RYR2: variants seen among roughly 807,000 people sequenced by gnomAD.
RYR2 encodes ryanodine receptor 2.
RYR2 carries 227 observed loss-of-function variants against 601.1 expected under a neutral mutation model. The ratio of observed to expected loss-of-function variants is 0.38; its 90% CI spans 0.34 to 0.42. The LOEUF (loss-of-function observed/expected upper bound fraction) is 0.42, where lower values mean the gene tolerates loss of function less well. Ranked by LOEUF, RYR2 falls within the 10% of genes least tolerant of loss-of-function variation. RYR2 has a pLI of 1.00. For synonymous variants in RYR2, 2,223 were observed against 2,175.1 expected (o/e 1.02, Z -0.61); for missense variants, 4,646 against 6,156.5 (o/e 0.75, Z 8.21).
chr1:237,643,542 A>G, intron 48 of RYR2, 95 bp downstream of exon 48: 1 of 1,412,094 alleles, frequency 7.1e-7, no homozygotes. Flanking sequence ...CAACCTCTCC[A>G]CTTCCTAAAT....
intron 63 of RYR2, among the ~76,000 whole-genome samples, chr1:237,689,872 A>G (rs1030659406): frequency 7.0e-6 from 1 of 142,938 alleles, no homozygotes; most frequent in African/African-American, 2.6e-5. Flanking sequence ...AAAGAGTTTC[A>G]CTCTTGTTGC....
Position 237,654,400 on chromosome 1 carries a change from G to T in RYR2, c.7951G>T (p.Ala2651Ser). 6.2e-7 allele frequency: 1 copy of T among 1,613,802 alleles called. No homozygotes were observed. Among genetic ancestry groups the T allele is most frequent in the Non-Finnish European group, 8.5e-7 (1 of 1,179,814 alleles). ...SRKLFWGIFD[A>S]LSQKKYEQEL... ...AAAGTTGTTCTGGGGCATTTTTGAT[G>T]CCCTGTCTCAAAAGGTAATTTAATG... The change falls in exon 52 of 105, where the codon GCC (alanine) becomes TCC (serine). Residue 2651 changes from alanine to serine, a missense_variant. Coordinates refer to ENST00000366574, the MANE Select transcript of RYR2 (RefSeq NM_001035.3).
At chr1:237,254,452 C>T (rs1003605546) in intron 1 of RYR2, among the ~76,000 whole-genome samples, 10 of 152,202 alleles carry the variant, frequency 6.6e-5, no homozygotes, top group African/African-American at 2.4e-4. Context: ...CAGTATCTCT[C>T]TTTAAAATGT....
chr1:237,752,889 T>C (rs2149251367), intron 80 of RYR2, among the ~76,000 whole-genome samples: 1 of 152,346 alleles, frequency 6.6e-6, no homozygotes, highest in Non-Finnish European at 1.5e-5. Flanking sequence ...TGTTCCTGGA[T>C]ATTTCTATTC....
chr1:237,544,888 A>G (rs1250618427), intron 25 of RYR2, among the ~76,000 whole-genome samples: 1 of 152,218 alleles, frequency 6.6e-6, no homozygotes, highest in Non-Finnish European at 1.5e-5. Context: ...GTTAAAGTCC[A>G]TGAATTTCAT....
chr1:237,373,166 A>G lies in RYR2; in HGVS notation c.385-1551A>G, dbSNP rs11582363. 4.7e-3 allele frequency among the ~76,000 whole-genome samples: 718 copies of G among 152,350 alleles called. 10 individuals carry two copies. The highest frequency in any genetic ancestry group is 4.7e-3 in the Non-Finnish European group (319 of 68,038). The stretch of plus-strand genomic sequence containing the variant: ...TAAGCACAATTTATATTTAAAGTCT[A>G]TAAACATAGGGGATTATCGTGGGCT... On this transcript the variant is annotated intron_variant, in intron 6 of 104. Transcript: ENST00000366574.
intron 80 of RYR2, among the ~76,000 whole-genome samples, chr1:237,746,938 G>A (rs1370575177): frequency 2.0e-5 from 3 of 151,878 alleles, no homozygotes; most frequent in South Asian, 2.1e-4. Flanking sequence ...GATCAACAAA[G>A]AACTTTGATA....
intron 1 of RYR2, among the ~76,000 whole-genome samples, chr1:237,204,656 G>A (rs962965128): frequency 6.6e-6 from 1 of 152,180 alleles, no homozygotes; most frequent in Admixed American, 6.5e-5. Context: ...TCTGGTTTCA[G>A]ACTTCACTTT....
At chr1:237,392,648 G>T (rs911376577) in intron 10 of RYR2, among the ~76,000 whole-genome samples, 2 of 151,320 alleles carry the variant, frequency 1.3e-5, no homozygotes, top group East Asian at 3.9e-4. Flanking sequence ...ATCAACAAAG[G>T]CATTTCCTTT....
intron 16 of RYR2, among the ~76,000 whole-genome samples, chr1:237,468,123 G>A (rs376967511): frequency 5.9e-5 from 9 of 152,122 alleles, no homozygotes; most frequent in South Asian, 2.1e-4. Flanking sequence ...CTCCCAAAGC[G>A]CTGGGATTAC....
intron 84 of RYR2, among the ~76,000 whole-genome samples, chr1:237,765,763 A>T (rs1469306633): frequency 1.3e-5 from 2 of 152,206 alleles, no homozygotes. Flanking sequence ...GGTTCGTGGC[A>T]CCAAATACAT....
chr1:237,442,261 C>T (rs544562434), intron 13 of RYR2, among the ~76,000 whole-genome samples: 142 of 152,214 alleles, frequency 9.3e-4, no homozygotes, highest in African/African-American at 3.2e-3. Context: ...TTGATAATGA[C>T]GTTTGGTCAT....
chr1:237,167,198 T>C (rs1388808252), intron 1 of RYR2, among the ~76,000 whole-genome samples: 2 of 152,212 alleles, frequency 1.3e-5, no homozygotes, highest in African/African-American at 4.8e-5. Context: ...AGTCTGTCCT[T>C]TTGGAGATTT....
At chr1:237,215,223 A>T (rs752138142) in intron 1 of RYR2, among the ~76,000 whole-genome samples, 2 of 152,192 alleles carry the variant, frequency 1.3e-5, no homozygotes, top group African/African-American at 4.8e-5. Flanking sequence ...TAGCATTGGC[A>T]GGATCTGAGT....
In RYR2 at chr1:237,784,317, T is replaced by C; in HGVS notation, c.12605T>C (p.Leu4202Pro). Residue 4202 changes from leucine (L) to proline (P), a missense_variant, in exon 90 of 105, where the codon CTG becomes CCG. Coordinates refer to ENST00000366574, the MANE Select transcript of RYR2 (RefSeq NM_001035.3). This position sits in a 1 kb window ranked among gnomAD's most constrained non-coding sequence, Gnocchi z 7.1. The stretch of plus-strand genomic sequence containing the variant: ...GAGGACACCATCTTTGAAATGCAGC[T>C]GGCGGCTCAGATCTCGGAGTCGGAC... The part of the protein sequence containing the change: ...FCEDTIFEMQ[L>P]AAQISESDLN... 6.2e-7 allele frequency: 1 copy of C among 1,613,482 alleles called. No homozygotes were observed. The highest frequency in any genetic ancestry group is 1.6e-4 in the Middle Eastern group (1 of 6,062).
intron 80 of RYR2, among the ~76,000 whole-genome samples, chr1:237,746,190 A>G (rs541953597): frequency 6.6e-6 from 1 of 152,188 alleles, no homozygotes; most frequent in Admixed American, 6.5e-5. Context: ...TAATTTAGAC[A>G]TAGTCTAATA....
At chr1:237,143,783 TG>T (rs1284763844) in intron 1 of RYR2, among the ~76,000 whole-genome samples, 1 of 152,126 alleles carries the variant, frequency 6.6e-6, no homozygotes, top group Admixed American at 6.5e-5. Context: ...TGACCAGTGT[TG>T]GGGAAAAAGA....
At chr1:237,331,042 A>G in intron 3 of RYR2, 60 bp downstream of exon 3, 1 of 1,351,956 alleles carries the variant, frequency 7.4e-7, no homozygotes, top group Non-Finnish European at 1.1e-6. Context: ...CTATAGGAAC[A>G]ATTTCTTTCA....
At chr1:237,460,961 C>T (rs1659410122) in intron 16 of RYR2, among the ~76,000 whole-genome samples, 1 of 152,134 alleles carries the variant, frequency 6.6e-6, no homozygotes, top group South Asian at 2.1e-4. Context: ...ACTTTTGTCT[C>T]CAACCTCTTG....
Sources: gnomAD v4.1 joint callset for allele counts (sites outside exome capture counted in the v4.1 genomes callset) on GRCh38, gnomAD v4.1.1 for gene constraint, Gnocchi (gnomAD v3.1) non-coding constraint, MANE v1.5 for transcripts, NCBI Gene and HGNC (gene_info 2026-07-23, HGNC 2026-07-21) for gene names.